The following OSBPL1A variants were observed in gnomAD, a reference collection of about 807,000 sequenced individuals.
The protein encoded by OSBPL1A is oxysterol-binding protein-related protein 1.
OSBPL1A carries 80 observed loss-of-function variants against 137.1 expected under a neutral mutation model. That is an observed-to-expected ratio of 0.58 (90% CI 0.49 to 0.70). The LOEUF (loss-of-function observed/expected upper bound fraction) is 0.70. Ranked by LOEUF, OSBPL1A falls within the 30% of genes least tolerant of loss-of-function variation. OSBPL1A has a pLI of 0.00. For synonymous variants in OSBPL1A, 365 were observed against 389.7 expected (o/e 0.94, Z 0.75); for missense variants, 970 against 1,129.4 (o/e 0.86, Z 2.02).
intron 15 of OSBPL1A, among the ~76,000 whole-genome samples, chr18:24,277,099 T>A (rs918103652): frequency 2.0e-5 from 3 of 152,124 alleles, no homozygotes; most frequent in African/African-American, 7.2e-5. Flanking sequence ...TTTAAAAACC[T>A]ATAAAGAGCA....
At chr18:24,366,184 G>A (rs1408671869) in intron 4 of OSBPL1A, among the ~76,000 whole-genome samples, 1 of 152,124 alleles carries the variant, frequency 6.6e-6, no homozygotes, top group East Asian at 1.9e-4. Context: ...TACAGATGAA[G>A]AGATACATAG....
intron 1 of OSBPL1A, among the ~76,000 whole-genome samples, chr18:24,382,739 G>A (rs996879038): frequency 6.6e-6 from 1 of 151,732 alleles, no homozygotes; most frequent in Non-Finnish European, 1.5e-5. Flanking sequence ...AGCCAGGCAT[G>A]GTGGTGCGCG....
At chr18:24,307,582 C>T (rs183590932) in intron 13 of OSBPL1A, among the ~76,000 whole-genome samples, 2 of 152,272 alleles carry the variant, frequency 1.3e-5, no homozygotes, top group African/African-American at 4.8e-5. Context: ...ATGTGTACAT[C>T]CCTGTTTTTT....
chr18:24,331,123 C>T (rs144158906), intron 7 of OSBPL1A, among the ~76,000 whole-genome samples: 137 of 152,238 alleles, frequency 9.0e-4, no homozygotes, highest in Non-Finnish European at 1.4e-3. Context: ...TCCAAACCTT[C>T]AACAAACATG....
At chr18:24,284,518 C>T (rs575037764) in intron 14 of OSBPL1A, among the ~76,000 whole-genome samples, 4 of 152,138 alleles carry the variant, frequency 2.6e-5, no homozygotes, top group South Asian at 2.1e-4. Flanking sequence ...TTCATGATTA[C>T]GCTGAACAAT....
chr18:24,291,396 A>C (rs1053526498), intron 14 of OSBPL1A, among the ~76,000 whole-genome samples: 4 of 152,176 alleles, frequency 2.6e-5, no homozygotes, highest in African/African-American at 7.2e-5. Context: ...TCAAAAGATT[A>C]AGCAGAAAAA....
At chr18:24,252,987 G>T (rs562032176) in intron 15 of OSBPL1A, among the ~76,000 whole-genome samples, 3 of 151,642 alleles carry the variant, frequency 2.0e-5, no homozygotes, top group Non-Finnish European at 4.4e-5. Context: ...TAAAAAGCAA[G>T]AAATTAAATC....
chr18:24,281,394 A>AT (rs1219693567), intron 14 of OSBPL1A, among the ~76,000 whole-genome samples: 2 of 111,652 alleles, frequency 1.8e-5, no homozygotes, highest in African/African-American at 3.5e-5. Context: ...TTTTTTTTTT[A>AT]TTTTTTATTT....
chr18:24,273,346 G>A (rs186314461), intron 15 of OSBPL1A, among the ~76,000 whole-genome samples: 24 of 152,298 alleles, frequency 1.6e-4, no homozygotes, highest in Non-Finnish European at 3.4e-4. Context: ...GAAAATTAGA[G>A]AATGAATTCA....
At chr18:24,330,618 G>A (rs1196639955) in intron 7 of OSBPL1A, among the ~76,000 whole-genome samples, 9 of 151,728 alleles carry the variant, frequency 5.9e-5, no homozygotes. Flanking sequence ...CTGAGTAGCT[G>A]GGGCTACAGG....
chr18:24,358,589 C>T (rs1281661824), intron 4 of OSBPL1A: 1 of 695,434 alleles, frequency 1.4e-6, no homozygotes, highest in East Asian at 2.7e-5. Flanking sequence ...GTTGTCTGGG[C>T]ATCGCCTGAA....
In OSBPL1A at chr18:24,360,761, T is replaced by C. The variant is rs28487897; in HGVS notation, c.282+6131A>G. ...TCTTCTCACCTCCTAAAGATGTGCATAGCAAGTGAACAGGCATGTCTGAAC... is the reference window on the plus strand; with the variant it reads ...TCTTCTCACCTCCTAAAGATGTGCACAGCAAGTGAACAGGCATGTCTGAAC... On this transcript the variant is annotated intron_variant, in intron 4 of 27. Coordinates refer to ENST00000319481, the MANE Select transcript of OSBPL1A (RefSeq NM_080597.4). Among the ~76,000 whole-genome samples, 1,507 of 152,234 alleles carry C rather than the reference T, an allele frequency of 9.9e-3. 19 individuals carry two copies. Among genetic ancestry groups the C allele is most frequent in the African/African-American group, 0.028 (1,177 of 41,544 alleles).
intron 14 of OSBPL1A, among the ~76,000 whole-genome samples, chr18:24,283,582 G>A (rs1173931345): frequency 4.6e-5 from 7 of 151,870 alleles, no homozygotes; most frequent in Non-Finnish European, 1.0e-4. Context: ...CATATGCTAG[G>A]TGCCATATGA....
chr18:24,203,867 A>G (rs2087292419), intron 17 of OSBPL1A, among the ~76,000 whole-genome samples: 1 of 152,242 alleles, frequency 6.6e-6, no homozygotes, highest in African/African-American at 2.4e-5. Context: ...CAAATGGTAT[A>G]CTAATTATTT....
chr18:24,374,926 C>T (rs746941194), intron 2 of OSBPL1A, among the ~76,000 whole-genome samples: 2 of 152,020 alleles, frequency 1.3e-5, no homozygotes, highest in Admixed American at 6.6e-5. Flanking sequence ...GCCTCTCCAC[C>T]ACACGAACAC....
chr18:24,297,086 T>C (rs919943851), intron 14 of OSBPL1A, among the ~76,000 whole-genome samples: 1 of 152,194 alleles, frequency 6.6e-6, no homozygotes, highest in Non-Finnish European at 1.5e-5. Context: ...TACCAATTCT[T>C]TGAATTCCAG....
Position 24,338,119 on chromosome 18 carries a change from C to T in OSBPL1A, c.394+3428G>A, listed in dbSNP as rs1320089050. Among the ~76,000 whole-genome samples the T allele has an allele frequency of 4.7e-5, 7 of 150,018 alleles. No homozygotes were observed. The East Asian group carries it at 1.4e-3, about 29-fold the overall frequency. ...AGACAGAGTCTCACTGTTGGCCAGG[C>T]GGGAGTGCAGTGGCGCAATCTCGGC... On this transcript the variant is annotated intron_variant, in intron 5 of 27. Transcript: ENST00000319481.
intron 15 of OSBPL1A, among the ~76,000 whole-genome samples, chr18:24,269,020 A>T (rs1293893202): frequency 6.6e-6 from 1 of 152,032 alleles, no homozygotes; most frequent in Non-Finnish European, 1.5e-5. Context: ...CTCCACCTTC[A>T]TTCCCCACAT....
At chr18:24,387,562 C>G (rs1460178120) in intron 1 of OSBPL1A, among the ~76,000 whole-genome samples, 2 of 152,012 alleles carry the variant, frequency 1.3e-5, no homozygotes, top group African/African-American at 2.4e-5. Context: ...ATGTTTCAAA[C>G]CAAGGAATAA....
Sources: gnomAD v4.1 joint callset for allele counts (sites outside exome capture counted in the v4.1 genomes callset) on GRCh38, gnomAD v4.1.1 for gene constraint, MANE v1.5 for transcripts, NCBI Gene and HGNC (gene_info 2026-07-23, HGNC 2026-07-21) for gene names.